Variants in XKR6 observed in about 807,000 individuals in gnomAD.
The protein encoded by XKR6 is XK-related protein 6.
A neutral mutation model predicts 56.7 loss-of-function variants in XKR6; 22 were observed. That is an observed-to-expected ratio of 0.39 (90% CI 0.28 to 0.55). The LOEUF is 0.55. Ranked by LOEUF, XKR6 falls within the 20% of genes least tolerant of loss-of-function variation. The probability of loss-of-function intolerance (pLI) is 0.66; values close to 1 mark genes in which losing one functional copy is unlikely to be tolerated. For synonymous variants in XKR6, 524 were observed against 387.8 expected, an observed-to-expected ratio of 1.35 and a Z score of -4.13; for missense variants, 852 against 889.0, an observed-to-expected ratio of 0.96 and a Z score of 0.53.
chr8:11,118,179 T>C (rs973328667), intron 1 of XKR6, among the ~76,000 whole-genome samples: 24 of 152,204 alleles, frequency 1.6e-4, no homozygotes, highest in Non-Finnish European at 3.1e-4. Flanking sequence ...GTACTACTCT[T>C]AATATACAAA....
intron 1 of XKR6, among the ~76,000 whole-genome samples, chr8:11,134,908 G>T (rs940180100): frequency 6.6e-6 from 1 of 152,030 alleles, no homozygotes; most frequent in African/African-American, 2.4e-5. Context: ...GTCATAGGAT[G>T]ACATTTAATA....
intron 1 of XKR6, among the ~76,000 whole-genome samples, chr8:11,017,499 A>C (rs1798652980): frequency 6.9e-6 from 1 of 145,512 alleles, no homozygotes; most frequent in African/African-American, 2.8e-5. Flanking sequence ...GGTTGCCTGC[A>C]AGTAACACGA....
intron 1 of XKR6, among the ~76,000 whole-genome samples, chr8:11,123,127 C>T (rs1328826976): frequency 6.6e-6 from 1 of 151,582 alleles, no homozygotes; most frequent in Non-Finnish European, 1.5e-5. Context: ...ATGCCAGCTA[C>T]TCGGGAGGCT....
intron 1 of XKR6, among the ~76,000 whole-genome samples, chr8:10,979,565 T>A (rs1347563699): frequency 1.3e-5 from 2 of 152,218 alleles, no homozygotes; most frequent in African/African-American, 4.8e-5. Flanking sequence ...GCCAAGACAG[T>A]TGGTCAAGCC....
At chr8:11,173,302 C>T (rs1351431755) in intron 1 of XKR6, among the ~76,000 whole-genome samples, 1 of 151,074 alleles carries the variant, frequency 6.6e-6, no homozygotes, top group Non-Finnish European at 1.5e-5. Context: ...TGAGATCGTG[C>T]CACTGCACTC....
chr8:11,190,191 G>GA (rs772251583), intron 1 of XKR6, among the ~76,000 whole-genome samples: 6 of 72,254 alleles, frequency 8.3e-5, no homozygotes, highest in African/African-American at 1.9e-4. Flanking sequence ...AGAAAAGAAA[G>GA]AAAGAAAGAA....
intron 1 of XKR6, among the ~76,000 whole-genome samples, chr8:11,167,262 T>C (rs928572188): frequency 3.2e-4 from 48 of 152,198 alleles, no homozygotes; most frequent in Admixed American, 2.6e-4. Flanking sequence ...CTTCAAAGGA[T>C]AGGAAAGCTT....
At chr8:11,054,120 C>T (rs906611479) in intron 1 of XKR6, among the ~76,000 whole-genome samples, 13 of 152,178 alleles carry the variant, frequency 8.5e-5, no homozygotes, top group Non-Finnish European at 1.8e-4. Context: ...CAAGCATGCA[C>T]TGTCATGGTT....
rs1248037113 is a variant in XKR6, at chr8:11,195,125, G to C, written c.764+5451C>G. 1.6e-5 allele frequency: 11 copies of C among 703,130 alleles called. 1 individual carries two copies. In the South Asian group the frequency reaches 1.6e-4, roughly 10 times the overall value. 43.6% of individuals were successfully genotyped at this position (703,130 alleles called of 1,614,324 possible). ...TAAGCAAGTATTTCTGGATTTTTCAGATGGGAGGAGGGAGAAGGGAAGAAA... is the reference window on the plus strand; with the variant it reads ...TAAGCAAGTATTTCTGGATTTTTCACATGGGAGGAGGGAGAAGGGAAGAAA... On this transcript the variant is annotated intron_variant, in intron 1 of 2. Transcript: ENST00000416569.
At chr8:11,078,484 G>C (rs993298850) in intron 1 of XKR6, among the ~76,000 whole-genome samples, 3 of 152,194 alleles carry the variant, frequency 2.0e-5, no homozygotes, top group Admixed American at 2.0e-4. Flanking sequence ...CCCCACGTGA[G>C]GCAAGGCTTC....
chr8:10,975,986 A>T (rs987035167), intron 1 of XKR6, among the ~76,000 whole-genome samples: 1 of 151,864 alleles, frequency 6.6e-6, no homozygotes, highest in Non-Finnish European at 1.5e-5. Context: ...CATACTGGCT[A>T]ACAAGGTGAA....
intron 2 of XKR6, among the ~76,000 whole-genome samples, chr8:10,911,321 GTA>G (rs372396079): frequency 0.23 from 28,917 of 127,772 alleles, 3,431 homozygotes; most frequent in Non-Finnish European, 0.26. Flanking sequence ...GAGAGGGTGA[GTA>G]TATATATATA....
intron 2 of XKR6, among the ~76,000 whole-genome samples, chr8:10,903,842 C>T (rs1002051611): frequency 9.2e-5 from 14 of 152,210 alleles, no homozygotes; most frequent in African/African-American, 3.4e-4. Flanking sequence ...GAACTGTGCA[C>T]AGCCACCGCC....
At chr8:11,045,539 C>A (rs1379745911) in intron 1 of XKR6, among the ~76,000 whole-genome samples, 1 of 152,160 alleles carries the variant, frequency 6.6e-6, no homozygotes, top group Non-Finnish European at 1.5e-5. Flanking sequence ...TTTAATCTTC[C>A]ATTTCCTCTG....
intron 1 of XKR6, among the ~76,000 whole-genome samples, chr8:10,968,146 C>T (rs1022630541): frequency 6.6e-6 from 1 of 152,140 alleles, no homozygotes; most frequent in Non-Finnish European, 1.5e-5. Context: ...AGGTGGGAGT[C>T]GCCTCTCCAT....
chr8:11,022,103 G>A (rs1798761716), intron 1 of XKR6, among the ~76,000 whole-genome samples: 2 of 149,714 alleles, frequency 1.3e-5, no homozygotes, highest in South Asian at 4.4e-4. Context: ...AGAAGCCCCT[G>A]CCCTGGAGAG....
intron 1 of XKR6, among the ~76,000 whole-genome samples, chr8:11,129,269 C>G (rs756356854): frequency 1.3e-4 from 20 of 152,128 alleles, no homozygotes; most frequent in Non-Finnish European, 1.9e-4. Context: ...TGAATTTCAC[C>G]TCAAAAGGCT....
chr8:11,110,516 C>T (rs1018434272), intron 1 of XKR6, among the ~76,000 whole-genome samples: 1 of 152,182 alleles, frequency 6.6e-6, no homozygotes, highest in Non-Finnish European at 1.5e-5. Flanking sequence ...TGAGCTTCTA[C>T]TCAGTCTCTA....
At chr8:11,022,094 G>A (rs577006164) in intron 1 of XKR6, among the ~76,000 whole-genome samples, 1 of 149,776 alleles carries the variant, frequency 6.7e-6, no homozygotes, top group South Asian at 2.2e-4. Flanking sequence ...TATAACCAAA[G>A]AAGCCCCTGC....
Sources: allele counts gnomAD v4.1 joint callset (sites outside exome capture counted in the v4.1 genomes callset), GRCh38; gene constraint gnomAD v4.1.1; transcripts MANE v1.5; gene names NCBI Gene and HGNC (gene_info 2026-07-23, HGNC 2026-07-21).